Variants in CEP104 observed in about 807,000 individuals in gnomAD.
The protein encoded by CEP104 is centrosomal protein of 104 kDa.
CEP104 carries 84 observed loss-of-function variants against 113.3 expected under a neutral mutation model. That is an observed-to-expected ratio of 0.74 (90% CI 0.62 to 0.89). CEP104 has a LOEUF of 0.89. Ranked by LOEUF, CEP104 falls within the 40% of genes least tolerant of loss-of-function variation. The pLI is 0.00. For missense variants in CEP104, 1,053 were observed against 1,156.6 expected (o/e 0.91, Z 1.30); for synonymous variants, 378 against 421.7 (o/e 0.90, Z 1.27).
In CEP104 at chr1:3,834,018, C is replaced by T; in HGVS notation, c.1503G>A (p.Leu501=). 1 of 1,613,478 alleles carries T rather than the reference C, an allele frequency of 6.2e-7. No individual in the cohort carries two copies. The highest frequency in any genetic ancestry group is 1.3e-5 in the African/African-American group (1 of 75,020). Reference sequence around the variant, plus strand: ...GTGTAATGATCATTTTCAACAATTTCAAAGAAGCCTGAAAAACCTAAGAGA... The same window carrying T: ...GTGTAATGATCATTTTCAACAATTTTAAAGAAGCCTGAAAAACCTAAGAGA... ...DIVTSVFQAS[L]KLLKMIITQY... The change falls in exon 12 of 22, where the codon TTG becomes TTA. Residue 501 remains leucine (L), a synonymous_variant. Transcript: ENST00000378230.
Position 3,825,749 on chromosome 1 carries a change from T to G in CEP104, c.2364+9A>C. On this transcript the variant is annotated intron_variant, in intron 18 of 21. Transcript: ENST00000378230. ...TGCAAGTAGCTGGCTGCTGTGCCGC[T>G]GGCCTGACCTGTTTGCAGTGGTCAC... is the stretch of plus-strand genomic sequence containing the variant. 1 of 1,587,578 alleles carries G rather than the reference T, an allele frequency of 6.3e-7. No individual in the cohort carries two copies. The highest frequency in any genetic ancestry group is 8.6e-7 in the Non-Finnish European group (1 of 1,156,100).
intron 18 of CEP104, 84 bp downstream of exon 18, chr1:3,825,674 T>C: frequency 2.3e-6 from 2 of 880,164 alleles, no homozygotes; most frequent in South Asian, 1.4e-5. Context: ...ATACTAAGAC[T>C]TGGGACAGCT....
At chr1:3,845,231 A>T in intron 5 of CEP104, 58 bp downstream of exon 5, 1 of 1,161,620 alleles carries the variant, frequency 8.6e-7, no homozygotes, top group Non-Finnish European at 1.3e-6. Context: ...AAAATAAATG[A>T]CTCCCTCCCA....
intron 21 of CEP104, among the ~76,000 whole-genome samples, chr1:3,815,987 A>G (rs1001591286): frequency 6.6e-6 from 1 of 152,132 alleles, no homozygotes; most frequent in African/African-American, 2.4e-5. Flanking sequence ...TCCTGATTCT[A>G]AACACTTGAG....
At position 3,834,165 on chromosome 1, in the gene CEP104, A is replaced by G. The variant is rs6677381; in HGVS notation, c.1486-130T>C. Reference sequence around the variant, plus strand: ...TGACATCTCGTCTGAAAGGCTGAAAATTGCAAACTGAAAACTGCTTTCTAA... The same window carrying G: ...TGACATCTCGTCTGAAAGGCTGAAAGTTGCAAACTGAAAACTGCTTTCTAA... On this transcript the variant is annotated intron_variant, in intron 11 of 21. Coordinates refer to ENST00000378230, the MANE Select transcript of CEP104 (RefSeq NM_014704.4). The G allele has an allele frequency of 0.4, 303,650 of 759,734 alleles. 63,075 individuals are homozygous for G. Among genetic ancestry groups the G allele is most frequent in the Admixed American group, 0.45 (16,983 of 37,422 alleles). The allele number at this position is 759,734 out of a possible 1,614,324, so 47.1% of individuals were successfully genotyped here.
chr1:3,826,445 A>G lies in CEP104; in HGVS notation c.2189-9T>C. 1 of 1,608,136 alleles carries G rather than the reference A, an allele frequency of 6.2e-7. No individual in the cohort carries two copies. Among genetic ancestry groups the G allele is most frequent in the Non-Finnish European group, 8.5e-7 (1 of 1,176,364 alleles). ...TTTCCCTCCTTGAATGTCTGAAGAG[A>G]TTAAAACAATTTAAATAACTTTTTA... On this transcript the variant is annotated splice_polypyrimidine_tract_variant and intron_variant, in intron 16 of 21. Transcript: ENST00000378230.
Position 3,846,378 on chromosome 1 carries a change from C to T in CEP104, c.427-1027G>A, listed in dbSNP as rs181225322. Among the ~76,000 whole-genome samples, 6 of 152,234 alleles carry T rather than the reference C, an allele frequency of 3.9e-5. No individual in the cohort carries two copies. In the East Asian group the frequency reaches 1.2e-3, roughly 29 times the overall value. ...AGGCACATTTGGGGCAGGAGGGCAG[C>T]TGGCACAAACTGGGAAACCGAGCAA... On this transcript the variant is annotated intron_variant, in intron 4 of 21. Transcript: ENST00000378230.
chr1:3,850,754 G>A (rs1402908267), intron 2 of CEP104, among the ~76,000 whole-genome samples: 1 of 152,084 alleles, frequency 6.6e-6, no homozygotes, highest in Non-Finnish European at 1.5e-5. Context: ...GGTGACCAAG[G>A]GCACACAGAT....
chr1:3,833,593 C>T (rs976113728), intron 12 of CEP104: 5 of 333,644 alleles, frequency 1.5e-5, no homozygotes, highest in South Asian at 9.8e-5. Context: ...CTTTTGATAT[C>T]ATTTTCTGTG....
chr1:3,824,343 C>T (rs962978222), intron 18 of CEP104, among the ~76,000 whole-genome samples: 3 of 152,198 alleles, frequency 2.0e-5, no homozygotes, highest in Non-Finnish European at 4.4e-5. Flanking sequence ...GCCTCAGCCT[C>T]CCCAAGTGCT....
Position 3,829,382 on chromosome 1 carries a change from A to G in CEP104, c.2044-9T>C. On this transcript the variant is annotated splice_polypyrimidine_tract_variant and intron_variant, in intron 14 of 21. Transcript: ENST00000378230. ...GCCGCTTTTCTCCGTGCCTGGTAAG[A>G]AAATTATTTTTCCATTAGAACAGCT... 1 of 1,603,884 alleles carries G rather than the reference A, an allele frequency of 6.2e-7. No homozygotes were observed.
intron 5 of CEP104, 69 bp from the exon 6 acceptor site, chr1:3,845,052 G>T: frequency 7.7e-7 from 1 of 1,303,322 alleles, no homozygotes; most frequent in Non-Finnish European, 1.1e-6. Context: ...TTAACTACAA[G>T]ATTTATTTCA....
At chr1:3,847,367 C>T (rs1252943190) in intron 4 of CEP104, 108 bp downstream of exon 4, 6 of 1,112,418 alleles carry the variant, frequency 5.4e-6, no homozygotes, top group African/African-American at 1.6e-5. Flanking sequence ...AGAAGAGATC[C>T]TCTCTTATAA....
At position 3,826,827 on chromosome 1, in the gene CEP104, C is replaced by G. The variant is rs6688969; in HGVS notation, c.2152-83G>C. 8 of 1,397,290 alleles carry G rather than the reference C, an allele frequency of 5.7e-6. No individual in the cohort carries two copies. In the East Asian group the frequency reaches 1.8e-4, roughly 32 times the overall value. The allele number at this position is 1,397,290 out of a possible 1,614,324, so 86.6% of individuals were successfully genotyped here. On this transcript the variant is annotated intron_variant, in intron 15 of 21. Coordinates refer to ENST00000378230, the MANE Select transcript of CEP104 (RefSeq NM_014704.4). Reference sequence around the variant, plus strand: ...GCCTGTTGAAGATATGTTTTCATCACGAAAGCACATTTCTGGGTTTTGTTT... The same window carrying G: ...GCCTGTTGAAGATATGTTTTCATCAGGAAAGCACATTTCTGGGTTTTGTTT...
chr1:3,816,157 G>T, intron 21 of CEP104, 123 bp downstream of exon 21: 1 of 765,498 alleles, frequency 1.3e-6, no homozygotes, highest in Non-Finnish European at 2.0e-6. Flanking sequence ...GACAGGCTTG[G>T]ATGCTTTATT....
At chr1:3,845,443 G>A in intron 4 of CEP104, 92 bp from the exon 5 acceptor site, 1 of 1,004,918 alleles carries the variant, frequency 1.0e-6, no homozygotes, top group East Asian at 2.4e-5. Flanking sequence ...GGTCTCGTCT[G>A]TCACCCAGGC....
At chr1:3,825,553 G>A (rs1032381785) in intron 18 of CEP104, among the ~76,000 whole-genome samples, 6 of 152,194 alleles carry the variant, frequency 3.9e-5, no homozygotes, top group African/African-American at 1.4e-4. Flanking sequence ...GGGAGGTGGC[G>A]GCACAGCATG....
intron 11 of CEP104, among the ~76,000 whole-genome samples, chr1:3,834,632 T>C (rs925860929): frequency 1.3e-4 from 20 of 152,226 alleles, no homozygotes; most frequent in Non-Finnish European, 2.4e-4. Flanking sequence ...TGTGGTAGCA[T>C]TGAACTAGGC....
rs1361257406 is a variant in CEP104, at chr1:3,838,756, CCCA to C, written c.891+205_891+207del. Among the ~76,000 whole-genome samples the C allele has an allele frequency of 2.0e-5, 3 of 152,202 alleles. No homozygotes were observed. In the East Asian group the frequency reaches 5.8e-4, roughly 29 times the overall value. On this transcript the variant is annotated intron_variant, in intron 8 of 21. Coordinates refer to ENST00000378230, the MANE Select transcript of CEP104 (RefSeq NM_014704.4). The stretch of plus-strand genomic sequence containing the variant: ...TTCCTGACCCCGGTTTGTTCCCTTT[CCCA>C]CGACTGTGAGTCTCCTGAAAGAACA...
Sources: gnomAD v4.1 joint callset for allele counts (sites outside exome capture counted in the v4.1 genomes callset) on GRCh38, gnomAD v4.1.1 for gene constraint, MANE v1.5 for transcripts, NCBI Gene and HGNC (gene_info 2026-07-23, HGNC 2026-07-21) for gene names.